Variants in AUTS2 observed in about 807,000 individuals in gnomAD.
AUTS2 encodes autism susceptibility gene 2 protein.
AUTS2 carries 17 observed loss-of-function variants against 112.4 expected under a neutral mutation model. The ratio of observed to expected loss-of-function variants is 0.15; its 90% confidence interval spans 0.10 to 0.23. The LOEUF (loss-of-function observed/expected upper bound fraction) is 0.23, where lower values mean the gene tolerates loss of function less well. Among genes scored for constraint, AUTS2 ranks in the 10% least tolerant of loss-of-function variants. The pLI is 1.00. For synonymous variants in AUTS2, 751 were observed against 702.7 expected, an observed-to-expected ratio of 1.07 and a Z score of -1.09; for missense variants, 1,510 against 1,701.6, an observed-to-expected ratio of 0.89 and a Z score of 1.98.
intron 2 of AUTS2, among the ~76,000 whole-genome samples, chr7:69,970,408 G>A (rs1232021074): frequency 6.6e-6 from 1 of 152,114 alleles, no homozygotes; most frequent in Non-Finnish European, 1.5e-5. Flanking sequence ...TTCCTCAAAT[G>A]CAGCATTTCT....
chr7:70,043,644 T>C (rs1049386119), intron 2 of AUTS2, among the ~76,000 whole-genome samples: 4 of 148,158 alleles, frequency 2.7e-5, no homozygotes, highest in African/African-American at 1.0e-4. Context: ...TGTTTCACTC[T>C]TGTTGCCCAG....
At chr7:70,113,800 C>A (rs926636725) in intron 2 of AUTS2, among the ~76,000 whole-genome samples, 1 of 152,150 alleles carries the variant, frequency 6.6e-6, no homozygotes, top group African/African-American at 2.4e-5. Context: ...TCTCCATATC[C>A]AAGCTGAAAA....
chr7:70,498,159 G>A (rs1322616250), intron 5 of AUTS2, among the ~76,000 whole-genome samples: 1 of 152,166 alleles, frequency 6.6e-6, no homozygotes, highest in Non-Finnish European at 1.5e-5. Context: ...GAGGATGTCT[G>A]GGGAAGAGAA....
At chr7:70,753,132 C>A (rs1788972559) in intron 6 of AUTS2, among the ~76,000 whole-genome samples, 1 of 152,020 alleles carries the variant, frequency 6.6e-6, no homozygotes. Context: ...GCAGATTAAC[C>A]CCTATCAGGG....
chr7:70,307,679 G>T (rs971866206), intron 4 of AUTS2, among the ~76,000 whole-genome samples: 1 of 152,132 alleles, frequency 6.6e-6, no homozygotes. Context: ...GAAATCACAC[G>T]AAAGGAGAGC....
At chr7:70,605,885 A>G (rs998933307) in intron 5 of AUTS2, among the ~76,000 whole-genome samples, 1 of 152,226 alleles carries the variant, frequency 6.6e-6, no homozygotes, top group South Asian at 2.1e-4. Flanking sequence ...CATTGGCACT[A>G]CAGAAGCTTT....
At chr7:70,628,569 C>T (rs1326748440) in intron 5 of AUTS2, among the ~76,000 whole-genome samples, 1 of 151,528 alleles carries the variant, frequency 6.6e-6, no homozygotes, top group East Asian at 1.9e-4. Context: ...AGTATACCTA[C>T]ATCCCTCCCC....
At chr7:70,564,870 C>A (rs182544105) in intron 5 of AUTS2, among the ~76,000 whole-genome samples, 24 of 152,044 alleles carry the variant, frequency 1.6e-4, no homozygotes, top group East Asian at 1.2e-3. Context: ...GAGGCCGAGG[C>A]GGATGGATCA....
At chr7:69,749,535 T>C (rs765486818) in intron 1 of AUTS2, among the ~76,000 whole-genome samples, 13 of 152,194 alleles carry the variant, frequency 8.5e-5, no homozygotes, top group Non-Finnish European at 1.8e-4. Context: ...TGAAATTCTT[T>C]GAATTTTTCT....
At chr7:70,417,832 A>G (rs1012352631) in intron 4 of AUTS2, among the ~76,000 whole-genome samples, 1 of 152,106 alleles carries the variant, frequency 6.6e-6, no homozygotes, top group Non-Finnish European at 1.5e-5. Context: ...CATGTCAGAC[A>G]AGCTGCAAAG....
intron 1 of AUTS2, among the ~76,000 whole-genome samples, chr7:69,637,696 T>TA (rs5884763): frequency 0.71 from 108,359 of 152,062 alleles, 38,658 homozygotes; most frequent in East Asian, 0.78. Context: ...ATCAAAGCGA[T>TA]AGTAGATGGT....
intron 1 of AUTS2, among the ~76,000 whole-genome samples, chr7:69,748,802 C>T (rs1203848005): frequency 6.6e-6 from 1 of 152,082 alleles, no homozygotes; most frequent in African/African-American, 2.4e-5. Flanking sequence ...TTTTTGGTAT[C>T]TTTATAAGAA....
At chr7:70,609,356 C>G (rs1458241099) in intron 5 of AUTS2, among the ~76,000 whole-genome samples, 1 of 151,244 alleles carries the variant, frequency 6.6e-6, no homozygotes, top group African/African-American at 2.4e-5. Flanking sequence ...TAATGTTCTC[C>G]AAGTTCATCC....
intron 4 of AUTS2, among the ~76,000 whole-genome samples, chr7:70,190,710 T>C (rs1225697655): frequency 6.6e-6 from 1 of 152,206 alleles, no homozygotes; most frequent in Non-Finnish European, 1.5e-5. Context: ...TTACTGATGT[T>C]TCAATTCTGT....
chr7:69,921,813 C>T (rs1455303209), intron 2 of AUTS2, among the ~76,000 whole-genome samples: 1 of 142,760 alleles, frequency 7.0e-6, no homozygotes, highest in Non-Finnish European at 1.5e-5. Flanking sequence ...TGCCTGTAAT[C>T]CCAGCATTTT....
At chr7:70,056,398 A>G (rs1801995978) in intron 2 of AUTS2, among the ~76,000 whole-genome samples, 1 of 152,066 alleles carries the variant, frequency 6.6e-6, no homozygotes, top group Non-Finnish European at 1.5e-5. Context: ...TCCCTCCTTC[A>G]TCACCTTCAC....
At chr7:70,106,422 A>G (rs914047302) in intron 2 of AUTS2, among the ~76,000 whole-genome samples, 1 of 152,166 alleles carries the variant, frequency 6.6e-6, no homozygotes, top group Non-Finnish European at 1.5e-5. Context: ...TTCATTCAGT[A>G]TTAAAAGAAG....
chr7:69,775,063 G>A (rs1788832183), intron 1 of AUTS2, among the ~76,000 whole-genome samples: 1 of 152,166 alleles, frequency 6.6e-6, no homozygotes, highest in African/African-American at 2.4e-5. Flanking sequence ...ATAATTTTTT[G>A]TATTTTTTTT....
intron 4 of AUTS2, among the ~76,000 whole-genome samples, chr7:70,233,880 G>A (rs1038925760): frequency 6.6e-6 from 1 of 152,206 alleles, no homozygotes; most frequent in Admixed American, 6.5e-5. Flanking sequence ...TGGCTTTACC[G>A]CAAGGGTTAA....
Sources: gnomAD v4.1 joint callset for allele counts (sites outside exome capture counted in the v4.1 genomes callset) on GRCh38, gnomAD v4.1.1 for gene constraint, MANE v1.5 for transcripts, NCBI Gene and HGNC (gene_info 2026-07-23, HGNC 2026-07-21) for gene names.